SETBP1: variants seen among roughly 807,000 people sequenced by gnomAD.
SETBP1 encodes SET binding protein 1.
SETBP1 carries 9 observed loss-of-function variants against 101.0 expected under a neutral mutation model. The observed-to-expected ratio is 0.09, with a 90% CI of 0.05 to 0.16. The LOEUF (loss-of-function observed/expected upper bound fraction) is 0.16. Among genes scored for constraint, SETBP1 ranks in the 10% least tolerant of loss-of-function variants. The pLI is 1.00. For synonymous variants in SETBP1, 818 were observed against 788.5 expected, an observed-to-expected ratio of 1.04 and a Z score of -0.63; for missense variants, 1,858 against 2,033.8, an observed-to-expected ratio of 0.91 and a Z score of 1.66.
chr18:44,952,844 C>G lies in SETBP1; in HGVS notation c.3504C>G (p.Asp1168Glu), dbSNP rs745457569. The change falls in exon 4 of 6, where the codon GAC (aspartate) becomes GAG (glutamate). Residue 1168 changes from aspartate (D) to glutamate (E), a missense_variant. Physicochemically the swap from Asp to Glu is conservative, Grantham distance 45. Transcript: ENST00000649279. ...HKEDRILGTH[D>E]NLSGLFAGKA... is the part of the protein sequence containing the mutation. ...AAGACCGGATCCTAGGGACCCATGA[C>G]AACCTGAGTGGTCTTTTTGCAGGCA... 1 of 1,614,154 alleles carries G rather than the reference C, an allele frequency of 6.2e-7. No homozygotes were observed. Among genetic ancestry groups the G allele is most frequent in the South Asian group, 1.1e-5 (1 of 91,086 alleles).
chr18:45,031,689 T>TGGTA (rs2073300970), intron 4 of SETBP1, among the ~76,000 whole-genome samples: 1 of 152,322 alleles, frequency 6.6e-6, no homozygotes, highest in East Asian at 1.9e-4. Context: ...ACCTAGTATC[T>TGGTA]ACCAAGCTAG....
chr18:44,963,046 C>T (rs1441735135), intron 4 of SETBP1, among the ~76,000 whole-genome samples: 1 of 152,166 alleles, frequency 6.6e-6, no homozygotes, highest in Non-Finnish European at 1.5e-5. Flanking sequence ...CTTTTCCACT[C>T]GACAGCCAAG....
At chr18:45,050,284 G>A (rs763246369) in intron 5 of SETBP1, among the ~76,000 whole-genome samples, 42 of 152,174 alleles carry the variant, frequency 2.8e-4, no homozygotes, top group Non-Finnish European at 5.6e-4. Flanking sequence ...AAAATAGTCC[G>A]TGAGTTTGTG....
chr18:44,871,775 A>G (rs540523021), intron 3 of SETBP1: 1 of 152,288 alleles, frequency 6.6e-6, no homozygotes, highest in South Asian at 2.1e-4. Context: ...AAATAAACAC[A>G]TGACTTTTCA....
chr18:44,955,014 A>G (rs2071451329), intron 4 of SETBP1, among the ~76,000 whole-genome samples: 1 of 152,192 alleles, frequency 6.6e-6, no homozygotes, highest in Non-Finnish European at 1.5e-5. Context: ...AATTGTTAAG[A>G]ACCTACACGC....
At chr18:44,973,898 A>G (rs978581549) in intron 4 of SETBP1, among the ~76,000 whole-genome samples, 1 of 152,114 alleles carries the variant, frequency 6.6e-6, no homozygotes, top group African/African-American at 2.4e-5. Flanking sequence ...AGGGGGGAGT[A>G]GGGGTTAATA....
At chr18:44,724,685 C>G (rs2069669241) in intron 2 of SETBP1, among the ~76,000 whole-genome samples, 1 of 152,024 alleles carries the variant, frequency 6.6e-6, no homozygotes, top group Admixed American at 6.6e-5. Flanking sequence ...AAGGTAAAGC[C>G]TAGAGGATTT....
In SETBP1 at chr18:44,791,335, T is replaced by G. The variant is rs545915737; in HGVS notation, c.487-77895T>G. ...ACTGCATTTCGGAAAACCGTCCTAG[T>G]GGTAGAGAAAGAAGATGGGAGAAGG... On this transcript the variant is annotated intron_variant, in intron 2 of 5. Coordinates refer to ENST00000649279, the MANE Select transcript of SETBP1 (RefSeq NM_015559.3). Among the ~76,000 whole-genome samples the G allele has an allele frequency of 7.2e-5, 11 of 152,282 alleles. No homozygotes were observed. The East Asian group carries it at 7.7e-4, about 11-fold the overall frequency.
Position 45,053,125 on chromosome 18 carries a change from T to TG in SETBP1, c.4172-9949dup, listed in dbSNP as rs967130144. On this transcript the variant is annotated intron_variant, in intron 5 of 5. Transcript: ENST00000649279. Reference sequence around the variant, plus strand: ...ACATGAGCCAACAGTAGAATGTTGTTGGGGGAAAAAAAAAATGCAGTTTTT... The same window carrying TG: ...ACATGAGCCAACAGTAGAATGTTGTTGGGGGGAAAAAAAAAATGCAGTTTTT... Among the ~76,000 whole-genome samples the TG allele has an allele frequency of 2.6e-5, 4 of 151,248 alleles. No individual in the cohort carries two copies. The South Asian group carries it at 6.2e-4, about 24-fold the overall frequency.
chr18:45,027,924 T>C (rs916998821), intron 4 of SETBP1, among the ~76,000 whole-genome samples: 7 of 152,210 alleles, frequency 4.6e-5, no homozygotes, highest in Non-Finnish European at 1.0e-4. Context: ...GCCATCTGCA[T>C]TCCGTGATCA....
chr18:44,692,557 T>C (rs1281679952), intron 1 of SETBP1, among the ~76,000 whole-genome samples: 2 of 152,206 alleles, frequency 1.3e-5, no homozygotes, highest in Non-Finnish European at 2.9e-5. Flanking sequence ...CTTGTCCTCA[T>C]GGAGCTTGTG....
At chr18:44,944,147 C>T (rs1393438906) in intron 3 of SETBP1, among the ~76,000 whole-genome samples, 1 of 152,158 alleles carries the variant, frequency 6.6e-6, no homozygotes, top group Admixed American at 6.5e-5. Flanking sequence ...CTGGTCCTTT[C>T]TTATCCACTC....
At chr18:44,743,540 G>C (rs1225180790) in intron 2 of SETBP1, among the ~76,000 whole-genome samples, 1 of 152,148 alleles carries the variant, frequency 6.6e-6, no homozygotes, top group African/African-American at 2.4e-5. Context: ...TCTGGTTCTG[G>C]GAGAAGGGTC....
At chr18:44,995,335 G>A (rs540149357) in intron 4 of SETBP1, among the ~76,000 whole-genome samples, 1 of 152,042 alleles carries the variant, frequency 6.6e-6, no homozygotes, top group East Asian at 1.9e-4. Flanking sequence ...TAGAGACAGG[G>A]TTTCACAGTG....
intron 3 of SETBP1, among the ~76,000 whole-genome samples, chr18:44,922,359 T>C (rs2070602228): frequency 6.6e-6 from 1 of 152,202 alleles, no homozygotes; most frequent in Admixed American, 6.5e-5. Flanking sequence ...GAACAAGAAC[T>C]TGCACCTGCA....
chr18:44,701,430 A>G lies in SETBP1; in HGVS notation c.84A>G (p.Pro28=), dbSNP rs1372377435. The change falls in exon 2 of 6, where the codon CCA becomes CCG. Residue 28 remains proline (P), a synonymous_variant. Transcript: ENST00000649279. ...TGCCGGTCTCCTCAGCCAAGCCCCC[A>G]GCTGCTCCTGGCTGTGCAGGAGAAC... ...DFLPVSSAKP[P]AAPGCAGEPL... is the part of the protein sequence containing the mutation. 6.2e-7 allele frequency: 1 copy of G among 1,604,096 alleles called. No individual in the cohort carries two copies. The highest frequency in any genetic ancestry group is 8.5e-7 in the Non-Finnish European group (1 of 1,174,606).
At chr18:45,015,072 G>T (rs567729629) in intron 4 of SETBP1, among the ~76,000 whole-genome samples, 1 of 152,290 alleles carries the variant, frequency 6.6e-6, no homozygotes, top group African/African-American at 2.4e-5. Context: ...GCTTGGGGAG[G>T]ATGTTCTTGG....
chr18:44,760,415 A>G (rs1485607669), intron 2 of SETBP1, among the ~76,000 whole-genome samples: 1 of 152,214 alleles, frequency 6.6e-6, no homozygotes, highest in Non-Finnish European at 1.5e-5. Context: ...TTGGTTACCC[A>G]AGATCTCAAT....
chr18:44,695,975 C>G (rs1006546694), intron 1 of SETBP1, among the ~76,000 whole-genome samples: 10 of 151,540 alleles, frequency 6.6e-5, no homozygotes, highest in African/African-American at 2.2e-4. Context: ...GTTGAATATA[C>G]TAAGGGCCCT....
Sources: gnomAD v4.1 joint callset for allele counts (sites outside exome capture counted in the v4.1 genomes callset) on GRCh38, gnomAD v4.1.1 for gene constraint, MANE v1.5 for transcripts, NCBI Gene and HGNC (gene_info 2026-07-23, HGNC 2026-07-21) for gene names.